The following TDP2 variants were observed in gnomAD, a reference collection of about 807,000 sequenced individuals.
The protein encoded by TDP2 is 5'-Tyr-DNA phosphodiesterase.
Under a neutral mutation model 42.8 loss-of-function variants are expected in TDP2, and 38 were observed. The observed-to-expected ratio is 0.89, with a 90% CI of 0.68 to 1.16. The LOEUF (loss-of-function observed/expected upper bound fraction) is 1.16. Ranked by LOEUF, TDP2 falls within the 50% of genes most tolerant of loss-of-function variation. The probability of loss-of-function intolerance (pLI) is 0.00; values close to 1 mark genes in which losing one functional copy is unlikely to be tolerated. For synonymous variants in TDP2, 173 were observed against 150.6 expected, an observed-to-expected ratio of 1.15 and a Z score of -1.09; for missense variants, 439 against 439.3, an observed-to-expected ratio of 1.00 and a Z score of 0.01.
At chr6:24,653,800 C>T (rs1778014894) in intron 5 of TDP2, among the ~76,000 whole-genome samples, 1 of 152,154 alleles carries the variant, frequency 6.6e-6, no homozygotes, top group Non-Finnish European at 1.5e-5. Flanking sequence ...ATAGAATGCT[C>T]ATTCATACTC....
intron 2 of TDP2, among the ~76,000 whole-genome samples, chr6:24,662,941 T>A (rs925510089): frequency 6.6e-6 from 1 of 152,240 alleles, no homozygotes; most frequent in Non-Finnish European, 1.5e-5. Flanking sequence ...TTTAAAAATA[T>A]ATATACTATC....
At position 24,666,587 on chromosome 6, in the gene TDP2, G is replaced by T. The variant is rs980296055; in HGVS notation, c.190C>A (p.Pro64Thr). 4 of 1,614,094 alleles carry T rather than the reference G, an allele frequency of 2.5e-6. No individual in the cohort carries two copies. Among genetic ancestry groups the T allele is most frequent in the Non-Finnish European group, 3.4e-6 (4 of 1,180,030 alleles). ...TCCAAGGCGCTCTCCTCCACCGGAGGCTCGAAGTAGGAGTTCAGAGCCCTC... is the reference window on the plus strand; with the variant it reads ...TCCAAGGCGCTCTCCTCCACCGGAGTCTCGAAGTAGGAGTTCAGAGCCCTC... ...MERALNSYFE[P>T]PVEESALERR... The change falls in exon 2 of 7, where the codon CCT (proline) becomes ACT (threonine). Residue 64 changes from proline to threonine, a missense_variant. Pro to Thr is a conservative substitution (Grantham distance 38). Coordinates refer to ENST00000378198, the MANE Select transcript of TDP2 (RefSeq NM_016614.3).
In TDP2 at chr6:24,666,604, A is replaced by G. The variant is rs1416104452; in HGVS notation, c.173T>C (p.Leu58Pro). ...CACCGGAGGCTCGAAGTAGGAGTTC[A>G]GAGCCCTCTGAAAAACAAAGGCACA... is the stretch of plus-strand genomic sequence containing the variant. ...AENDWEMERA[L>P]NSYFEPPVEE... The change falls in exon 2 of 7, where the codon CTG (leucine) becomes CCG (proline). Residue 58 changes from leucine (L) to proline (P), a missense_variant. Transcript: ENST00000378198. 1 of 1,614,236 alleles carries G rather than the reference A, an allele frequency of 6.2e-7. No individual in the cohort carries two copies.
In TDP2 at chr6:24,652,237, A is replaced by G. The variant is rs565012883; in HGVS notation, c.807+746T>C. 1.3e-4 allele frequency among the ~76,000 whole-genome samples: 20 copies of G among 152,330 alleles called. No homozygotes were observed. In the South Asian group the frequency reaches 3.3e-3, roughly 25 times the overall value. On this transcript the variant is annotated intron_variant, in intron 6 of 6. Transcript: ENST00000378198. ...AAGGGTGAATAATATTCCACTGTAT[A>G]CATATAGCACATTTTGTTTATTCAT...
At chr6:24,662,726 T>C (rs1429445023) in intron 2 of TDP2, among the ~76,000 whole-genome samples, 1 of 152,220 alleles carries the variant, frequency 6.6e-6, no homozygotes, top group Non-Finnish European at 1.5e-5. Flanking sequence ...GTCTTATTTA[T>C]TTTCTCAGTC....
At chr6:24,653,217 A>C in intron 5 of TDP2, 64 bp from the exon 6 acceptor site, 4 of 1,504,778 alleles carry the variant, frequency 2.7e-6, no homozygotes, top group Non-Finnish European at 3.7e-6. Flanking sequence ...TTTAATAATA[A>C]AATCAGCAGA....
chr6:24,662,325 G>T (rs1321156633), intron 2 of TDP2, among the ~76,000 whole-genome samples: 1 of 152,090 alleles, frequency 6.6e-6, no homozygotes, highest in East Asian at 1.9e-4. Context: ...TCGTCCCTGG[G>T]AATGGAATGT....
chr6:24,665,568 AT>A (rs750961276), intron 2 of TDP2, among the ~76,000 whole-genome samples: 7 of 152,248 alleles, frequency 4.6e-5, no homozygotes, highest in South Asian at 2.1e-4. Flanking sequence ...AGCTGGGAGA[AT>A]TTTATACATT....
intron 4 of TDP2, among the ~76,000 whole-genome samples, chr6:24,657,139 C>T (rs1358812976): frequency 2.0e-5 from 3 of 152,200 alleles, no homozygotes; most frequent in Non-Finnish European, 2.9e-5. Context: ...TCAGTAAATA[C>T]GGTTGGTCCT....
chr6:24,666,341 GAT>G, intron 2 of TDP2, 183 bp downstream of exon 2: 1 of 1,487,608 alleles, frequency 6.7e-7, no homozygotes, highest in Non-Finnish European at 9.1e-7. Flanking sequence ...TGCAGTGTTA[GAT>G]CCGCTGCTGG....
intron 3 of TDP2, 36 bp downstream of exon 3, chr6:24,658,525 G>A: frequency 1.9e-6 from 3 of 1,544,880 alleles, no homozygotes; most frequent in South Asian, 1.2e-5. Flanking sequence ...ATATACATAA[G>A]ACACATTACT....
In TDP2 at chr6:24,657,504, A is replaced by C. The variant is rs553008777; in HGVS notation, c.517+308T>G. 3.9e-4 allele frequency among the ~76,000 whole-genome samples: 23 copies of C among 58,528 alleles called. No individual in the cohort carries two copies. In the South Asian group the frequency reaches 9.1e-3, roughly 23 times the overall value. The allele number at this position is 58,528 out of a possible 152,430, so 38.4% of individuals were successfully genotyped here. On this transcript the variant is annotated intron_variant, in intron 4 of 6. Transcript: ENST00000378198. The stretch of plus-strand genomic sequence containing the variant: ...AATAAAGACTTTTTGAAAAAGCATA[A>C]TAACCACAATGTGATTATTTCAGTT...
rs1202414727 is a variant in TDP2 at position 24,663,168 on chromosome 6, T to C, written c.251+3358A>G. On this transcript the variant is annotated intron_variant, in intron 2 of 6. Transcript: ENST00000378198. ...TAGCTTATACTTACTGAGCTCTATA[T>C]GCCAGGCACAATTCCAAGTGTTTTA... Among the ~76,000 whole-genome samples, 11 of 152,318 alleles carry C rather than the reference T, an allele frequency of 7.2e-5. No individual in the cohort carries two copies. In the East Asian group the frequency reaches 9.6e-4, roughly 13 times the overall value.
rs992064837 is a variant in TDP2 at position 24,662,180 on chromosome 6, G to C, written c.252-3446C>G. On this transcript the variant is annotated intron_variant, in intron 2 of 6. Coordinates refer to ENST00000378198, the MANE Select transcript of TDP2 (RefSeq NM_016614.3). The stretch of plus-strand genomic sequence containing the variant: ...AGGATTCCCCCCACTGAGACAGCCT[G>C]AGATAATGGCCTCATGAGAAGAGAA... Among the ~76,000 whole-genome samples, 4 of 152,230 alleles carry C rather than the reference G, an allele frequency of 2.6e-5. No individual in the cohort carries two copies. In the East Asian group the frequency reaches 7.7e-4, roughly 29 times the overall value.
chr6:24,666,449 A>G, intron 2 of TDP2, 77 bp downstream of exon 2: 1 of 1,509,380 alleles, frequency 6.6e-7, no homozygotes. Context: ...GCTCCACGGC[A>G]GGTCCCAGGA....
chr6:24,651,919 G>C (rs948325072), intron 6 of TDP2, among the ~76,000 whole-genome samples: 4 of 152,150 alleles, frequency 2.6e-5, no homozygotes. Context: ...CAGTGATGTA[G>C]CATTAAGTAT....
intron 2 of TDP2, among the ~76,000 whole-genome samples, chr6:24,664,218 T>C (rs566008555): frequency 6.6e-6 from 1 of 152,090 alleles, no homozygotes; most frequent in South Asian, 2.1e-4. Context: ...GTCTAACAAA[T>C]TCCCGAGTAG....
intron 5 of TDP2, 61 bp downstream of exon 5, chr6:24,654,351 A>G: frequency 1.1e-6 from 1 of 889,504 alleles, no homozygotes; most frequent in Non-Finnish European, 1.7e-6. Flanking sequence ...AAAGAATAAT[A>G]ACACAAAACT....
chr6:24,658,795 T>G, intron 2 of TDP2, 61 bp from the exon 3 acceptor site: 1 of 1,518,890 alleles, frequency 6.6e-7, no homozygotes, highest in Non-Finnish European at 8.9e-7. Context: ...TAAGAATTAT[T>G]TTGTATTTGT....
Sources: allele counts gnomAD v4.1 joint callset (sites outside exome capture counted in the v4.1 genomes callset), GRCh38; gene constraint gnomAD v4.1.1; transcripts MANE v1.5; gene names NCBI Gene and HGNC (gene_info 2026-07-23, HGNC 2026-07-21).